The following ADGRB1 variants were observed in gnomAD, a reference collection of about 807,000 sequenced individuals.
ADGRB1 encodes adhesion G protein-coupled receptor B1, also known as brain-specific angiogenesis inhibitor 1.
In ADGRB1, 36 loss-of-function variants were observed where a neutral mutation model predicts 175.7. That is an observed-to-expected ratio of 0.20 (90% CI 0.16 to 0.27). ADGRB1 has a LOEUF of 0.27. ADGRB1 is among the 10% of genes least tolerant of loss of function. The pLI is 1.00. For synonymous variants in ADGRB1, 1,054 were observed against 979.4 expected (o/e 1.08, Z -1.42); for missense variants, 1,731 against 2,255.3 (o/e 0.77, Z 4.71).
intron 18 of ADGRB1, among the ~76,000 whole-genome samples, chr8:142,515,518 T>C (rs528389942): frequency 7.6e-4 from 115 of 152,114 alleles, no homozygotes; most frequent in African/African-American, 2.6e-3. Flanking sequence ...CACAGAGGCC[T>C]GGGCCTGAGC....
intron 24 of ADGRB1, among the ~76,000 whole-genome samples, chr8:142,529,331 C>A (rs1844444772): frequency 6.6e-6 from 1 of 151,936 alleles, no homozygotes; most frequent in Non-Finnish European, 1.5e-5. Flanking sequence ...CAGGTGTGTG[C>A]AGATGTGTTT....
intron 2 of ADGRB1, among the ~76,000 whole-genome samples, chr8:142,469,284 A>G (rs1014052721): frequency 7.3e-6 from 1 of 137,540 alleles, no homozygotes; most frequent in Non-Finnish European, 1.6e-5. Flanking sequence ...CAGGTGAGTG[A>G]ATGTGTGTGC....
chr8:142,543,028 G>A lies in ADGRB1; in HGVS notation c.4414-375G>A, dbSNP rs558845310. Among the ~76,000 whole-genome samples the A allele has an allele frequency of 1.2e-4, 19 of 152,288 alleles. No individual in the cohort carries two copies. Among genetic ancestry groups the A allele is most frequent in the Middle Eastern group, 3.4e-3 (1 of 294 alleles). ...AGCCTGTAGGATGTTGTTTTTGGGG[G>A]AGCCCGTCCCCACAGGATATGCTCC... On this transcript the variant is annotated intron_variant, in intron 28 of 30. Transcript: ENST00000517894. The surrounding 1 kb of genome is among the most constrained non-coding windows in gnomAD (Gnocchi z 4.4).
At chr8:142,503,087 G>A (rs1262856671) in intron 17 of ADGRB1, among the ~76,000 whole-genome samples, 1 of 151,880 alleles carries the variant, frequency 6.6e-6, no homozygotes, top group African/African-American at 2.4e-5. Context: ...GAGGGTGGAG[G>A]CTGTGGTGAC....
Position 142,457,121 on chromosome 8 carries a change from G to A in ADGRB1, c.-219-6859G>A, listed in dbSNP as rs78582391. Among the ~76,000 whole-genome samples the A allele has an allele frequency of 9.0e-3, 1,371 of 152,300 alleles. 19 individuals are homozygous for A. Among genetic ancestry groups the A allele is most frequent in the African/African-American group, 0.031 (1,292 of 41,542 alleles). On this transcript the variant is annotated intron_variant, in intron 1 of 30. Coordinates refer to ENST00000517894, the MANE Select transcript of ADGRB1 (RefSeq NM_001702.3). ...GGAGATGCAGTGAGGCCCGGAACCT[G>A]AGGGCCGTTGGAAAGCTGGCCTCTG...
chr8:142,479,550 G>A, intron 8 of ADGRB1, 63 bp downstream of exon 8: 1 of 1,511,748 alleles, frequency 6.6e-7, no homozygotes, highest in Non-Finnish European at 8.8e-7. Flanking sequence ...GCGGGCTTGG[G>A]CTCAGCTGTC....
intron 27 of ADGRB1, 29 bp from the exon 28 acceptor site, chr8:142,541,912 C>T: frequency 6.6e-7 from 1 of 1,519,494 alleles, no homozygotes; most frequent in Non-Finnish European, 8.8e-7. Flanking sequence ...CCACACCTGT[C>T]CCCGCTGTCT....
chr8:142,484,798 C>T, intron 13 of ADGRB1, 34 bp downstream of exon 13: 1 of 1,500,958 alleles, frequency 6.7e-7, no homozygotes, highest in Non-Finnish European at 9.1e-7. Context: ...CCCCCCATGC[C>T]TTGCTTTGCA....
chr8:142,454,244 C>T (rs530469097), intron 1 of ADGRB1, among the ~76,000 whole-genome samples: 72 of 152,276 alleles, frequency 4.7e-4, no homozygotes, highest in African/African-American at 1.6e-3. Flanking sequence ...TCACAGTGGG[C>T]GGGCGGCAGC....
chr8:142,512,018 G>A (rs981091265), intron 18 of ADGRB1, among the ~76,000 whole-genome samples: 4 of 152,226 alleles, frequency 2.6e-5, no homozygotes, highest in Non-Finnish European at 4.4e-5. Flanking sequence ...CTAGCCTCTC[G>A]GACACTCCAG....
chr8:142,488,341 C>G (rs566690078), intron 13 of ADGRB1, 23 bp from the exon 14 acceptor site: 2 of 1,612,316 alleles, frequency 1.2e-6, no homozygotes, highest in South Asian at 1.1e-5. Context: ...CTCTGTCTCT[C>G]CCGCCTTTGA....
intron 25 of ADGRB1, among the ~76,000 whole-genome samples, chr8:142,533,744 G>T (rs1393131490): frequency 6.6e-6 from 1 of 152,184 alleles, no homozygotes; most frequent in Non-Finnish European, 1.5e-5. Context: ...AGCACATGGG[G>T]CCCCCATCCT....
chr8:142,476,076 C>G (rs980665557), intron 3 of ADGRB1, among the ~76,000 whole-genome samples: 8 of 152,372 alleles, frequency 5.3e-5, no homozygotes, highest in African/African-American at 1.9e-4. Flanking sequence ...CCGCCTGCCC[C>G]AGCCGGATAC....
intron 2 of ADGRB1, among the ~76,000 whole-genome samples, chr8:142,472,856 C>T (rs938174571): frequency 3.3e-5 from 5 of 152,070 alleles, no homozygotes; most frequent in South Asian, 2.1e-4. Flanking sequence ...ACTCAGTATG[C>T]GTCCAGGGTC....
At chr8:142,484,873 C>T (rs1190876535) in intron 13 of ADGRB1, 109 bp downstream of exon 13, 4 of 811,124 alleles carry the variant, frequency 4.9e-6, no homozygotes, top group Non-Finnish European at 5.8e-6. Context: ...ACCAGACAGC[C>T]TTTGTGGGCC....
rs531325938 is a variant in ADGRB1, at chr8:142,514,123, A to T, written c.2817+3050A>T. Among the ~76,000 whole-genome samples, 5 of 152,034 alleles carry T rather than the reference A, an allele frequency of 3.3e-5. No individual in the cohort carries two copies. In the South Asian group the frequency reaches 1.0e-3, roughly 32 times the overall value. The stretch of plus-strand genomic sequence containing the variant: ...TTAGCCTGGCTGGGGTTGGATGGAC[A>T]CGTTGGGTGTGGGGACTCTGGTCTG... On this transcript the variant is annotated intron_variant, in intron 18 of 30. Transcript: ENST00000517894.
chr8:142,540,559 G>C (rs983489823), intron 27 of ADGRB1, among the ~76,000 whole-genome samples: 3 of 152,168 alleles, frequency 2.0e-5, no homozygotes, highest in Non-Finnish European at 4.4e-5. Flanking sequence ...CCAGCGAGGG[G>C]CCTGGGCCTG....
In ADGRB1 at chr8:142,522,095, G is replaced by C; in HGVS notation, c.3155G>C (p.Arg1052Pro). The stretch of plus-strand genomic sequence containing the variant: ...CTCCGGAACCGCCTCATCCGCAAGC[G>C]CTTCCTCTGCCTGGGCTGGGGTGAG... ...GHLRNRLIRK[R>P]FLCLGWGLPA... Residue 1052 changes from arginine (R) to proline (P), a missense_variant, in exon 21 of 31, where the codon CGC (arginine) becomes CCC (proline). Physicochemically the swap from Arg to Pro is moderately radical, Grantham distance 103 (BLOSUM62 -2). Transcript: ENST00000517894. The C allele has an allele frequency of 6.2e-7, 1 of 1,610,690 alleles. No individual in the cohort carries two copies. Among genetic ancestry groups the C allele is most frequent in the Non-Finnish European group, 8.5e-7 (1 of 1,179,680 alleles).
At chr8:142,516,372 C>T (rs1843432329) in intron 18 of ADGRB1, among the ~76,000 whole-genome samples, 2 of 117,102 alleles carry the variant, frequency 1.7e-5, no homozygotes, top group South Asian at 5.9e-4. Flanking sequence ...GTGCGGGCCC[C>T]AGGTGCGTGC....
Sources: allele counts gnomAD v4.1 joint callset (sites outside exome capture counted in the v4.1 genomes callset), GRCh38; gene constraint gnomAD v4.1.1; non-coding constraint Gnocchi (gnomAD v3.1); transcripts MANE v1.5; gene names NCBI Gene and HGNC (gene_info 2026-07-23, HGNC 2026-07-21).